ANTXR1: variants seen among roughly 807,000 people sequenced by gnomAD.
ANTXR1 encodes the protein ANTXR cell adhesion molecule 1.
Under a neutral mutation model 78.1 loss-of-function variants are expected in ANTXR1, and 19 were observed. That is an observed-to-expected ratio of 0.24 (90% CI 0.17 to 0.36). The LOEUF (loss-of-function observed/expected upper bound fraction) is 0.36, where lower values mean the gene tolerates loss of function less well. Ranked by LOEUF, ANTXR1 falls within the 10% of genes least tolerant of loss-of-function variation. The pLI, the probability that ANTXR1 is intolerant of heterozygous loss-of-function variation, is 1.00. For missense variants in ANTXR1, 518 were observed against 718.6 expected, an observed-to-expected ratio of 0.72 and a Z score of 3.19; for synonymous variants, 273 against 260.5, an observed-to-expected ratio of 1.05 and a Z score of -0.46.
At chr2:69,198,656 T>C (rs1235470149) in intron 17 of ANTXR1, among the ~76,000 whole-genome samples, 1 of 152,230 alleles carries the variant, frequency 6.6e-6, no homozygotes, top group Non-Finnish European at 1.5e-5. Context: ...TCTATAAATA[T>C]TTATGATTCC....
chr2:69,025,219 G>A (rs148904033), intron 1 of ANTXR1, among the ~76,000 whole-genome samples: 11 of 151,978 alleles, frequency 7.2e-5, no homozygotes, highest in Non-Finnish European at 1.0e-4. Flanking sequence ...TACTAGTTGC[G>A]GGCTCCCTGT....
intron 12 of ANTXR1, among the ~76,000 whole-genome samples, chr2:69,143,241 T>C (rs931531729): frequency 1.2e-4 from 18 of 152,072 alleles, no homozygotes; most frequent in South Asian, 4.1e-4. Flanking sequence ...GTCTGTTCAA[T>C]GGTATTAGAG....
chr2:69,079,647 T>C (rs1234975681), intron 8 of ANTXR1, among the ~76,000 whole-genome samples: 1 of 152,150 alleles, frequency 6.6e-6, no homozygotes, highest in Non-Finnish European at 1.5e-5. Context: ...CTCTAACCTA[T>C]AGGCAGTGGG....
At chr2:69,199,875 A>G (rs1674735019) in intron 17 of ANTXR1, among the ~76,000 whole-genome samples, 1 of 152,186 alleles carries the variant, frequency 6.6e-6, no homozygotes, top group Admixed American at 6.5e-5. Flanking sequence ...AGAAACCCCA[A>G]GAGTAAGATA....
chr2:69,095,097 A>G (rs1249971606), intron 9 of ANTXR1, among the ~76,000 whole-genome samples: 1 of 152,230 alleles, frequency 6.6e-6, no homozygotes, highest in Non-Finnish European at 1.5e-5. Context: ...AATGGTATTG[A>G]CAAAGGCATG....
intron 12 of ANTXR1, among the ~76,000 whole-genome samples, chr2:69,151,744 T>C (rs752898708): frequency 2.0e-5 from 3 of 152,064 alleles, no homozygotes; most frequent in Non-Finnish European, 4.4e-5. Context: ...TGTGAATGGG[T>C]TCAGGGGAGC....
chr2:69,076,769 T>C (rs996574794), intron 7 of ANTXR1, among the ~76,000 whole-genome samples: 1 of 152,222 alleles, frequency 6.6e-6, no homozygotes, highest in Non-Finnish European at 1.5e-5. Flanking sequence ...GTAAAAACAA[T>C]AAAACATATT....
chr2:69,043,139 T>C (rs1295281460), intron 2 of ANTXR1, among the ~76,000 whole-genome samples: 2 of 152,170 alleles, frequency 1.3e-5, no homozygotes, highest in Non-Finnish European at 2.9e-5. Flanking sequence ...GGGAGCAGTA[T>C]ATAATGTGGC....
At chr2:69,140,151 A>G (rs1162859681) in intron 12 of ANTXR1, among the ~76,000 whole-genome samples, 1 of 152,236 alleles carries the variant, frequency 6.6e-6, no homozygotes, top group East Asian at 1.9e-4. Flanking sequence ...GGGTGACAAG[A>G]GTACCACAAG....
At chr2:69,199,441 G>T (rs190444392) in intron 17 of ANTXR1, among the ~76,000 whole-genome samples, 1 of 152,094 alleles carries the variant, frequency 6.6e-6, no homozygotes, top group African/African-American at 2.4e-5. Context: ...TTTCTCCATA[G>T]AGCACCTATT....
intron 12 of ANTXR1, among the ~76,000 whole-genome samples, chr2:69,139,232 T>C (rs866961998): frequency 1.3e-5 from 2 of 152,270 alleles, no homozygotes; most frequent in African/African-American, 4.8e-5. Flanking sequence ...CACTGTGGCC[T>C]TAAGGCCTAG....
intron 8 of ANTXR1, among the ~76,000 whole-genome samples, chr2:69,088,273 C>T (rs927236968): frequency 3.3e-5 from 5 of 152,114 alleles, no homozygotes; most frequent in Admixed American, 6.5e-5. Flanking sequence ...GGTTGAAACT[C>T]GGGTTGGGTA....
chr2:69,044,840 T>G (rs1558740570), intron 3 of ANTXR1, 27 bp downstream of exon 3: 2 of 1,609,950 alleles, frequency 1.2e-6, no homozygotes, highest in Non-Finnish European at 1.7e-6. Context: ...TCTCTGTTGT[T>G]AAAAAGTCCA....
chr2:69,019,041 A>G (rs1671107789), intron 1 of ANTXR1, among the ~76,000 whole-genome samples: 1 of 152,250 alleles, frequency 6.6e-6, no homozygotes, highest in Non-Finnish European at 1.5e-5. Flanking sequence ...TGTTCAGGAC[A>G]TTTTATTATG....
chr2:69,032,382 C>A lies in ANTXR1; in HGVS notation c.153-7662C>A, dbSNP rs537482544. Among the ~76,000 whole-genome samples, 1,265 of 151,960 alleles carry A rather than the reference C, an allele frequency of 8.3e-3. 4 individuals carry two copies. The highest frequency in any genetic ancestry group is 0.012 in the Non-Finnish European group (815 of 67,948). On this transcript the variant is annotated intron_variant, in intron 1 of 17. Transcript: ENST00000303714. ...TTGTCTTTCCCTCCTCTCTACCCACCCCCCCAAAATTTCCAACAATGGACC... is the reference window on the plus strand; with the variant it reads ...TTGTCTTTCCCTCCTCTCTACCCACACCCCCAAAATTTCCAACAATGGACC...
At position 69,245,664 on chromosome 2, in the gene ANTXR1, T is replaced by C; in HGVS notation, c.*179T>C. 1 of 867,880 alleles carries C rather than the reference T, an allele frequency of 1.2e-6. No homozygotes were observed. Among genetic ancestry groups the C allele is most frequent in the African/African-American group, 1.7e-5 (1 of 59,350 alleles). The allele number at this position is 867,880 out of a possible 1,614,324, so 53.8% of individuals were successfully genotyped here. ...AGCTGAAAGAAACAGATATTTTAAATTGCCAGAAAACAAATGATGAGGCAA... is the reference window on the plus strand; with the variant it reads ...AGCTGAAAGAAACAGATATTTTAAACTGCCAGAAAACAAATGATGAGGCAA... On this transcript the variant is annotated 3_prime_UTR_variant, in exon 18 of 18. Coordinates refer to ENST00000303714, the MANE Select transcript of ANTXR1 (RefSeq NM_032208.3).
intron 16 of ANTXR1, 101 bp from the exon 17 acceptor site, chr2:69,193,234 T>C (rs1304697551): frequency 4.4e-6 from 4 of 915,260 alleles, no homozygotes; most frequent in Non-Finnish European, 5.5e-6. Flanking sequence ...AGTGTTGTGT[T>C]GTTCACATGA....
At chr2:69,152,461 G>A (rs1261292135) in intron 13 of ANTXR1, among the ~76,000 whole-genome samples, 197 bp downstream of exon 13, 1 of 152,210 alleles carries the variant, frequency 6.6e-6, no homozygotes, top group African/African-American at 2.4e-5. Flanking sequence ...TATGAGTTAG[G>A]GTGTGAGATT....
chr2:69,040,008 A>G (rs760306915), intron 1 of ANTXR1, 36 bp from the exon 2 acceptor site: 24 of 1,575,044 alleles, frequency 1.5e-5, no homozygotes, highest in Non-Finnish European at 2.1e-5. Context: ...ACAAGTAAAC[A>G]CCTGAGTCAC....
Sources: allele counts gnomAD v4.1 joint callset (sites outside exome capture counted in the v4.1 genomes callset), GRCh38; gene constraint gnomAD v4.1.1; transcripts MANE v1.5; gene names NCBI Gene and HGNC (gene_info 2026-07-23, HGNC 2026-07-21).